The following THADA variants were observed in gnomAD, a reference collection of about 807,000 sequenced individuals.
THADA encodes the protein tRNA (32-2'-O)-methyltransferase regulator THADA.
THADA carries 213 observed loss-of-function variants against 219.8 expected under a neutral mutation model. That is an observed-to-expected ratio of 0.97 (90% CI 0.87 to 1.09). The LOEUF is 1.09. THADA is among the 50% of genes least tolerant of loss of function. The pLI, the probability that THADA is intolerant of heterozygous loss-of-function variation, is 0.00. For missense variants in THADA, 2,956 were observed against 2,311.3 expected (o/e 1.28, Z -5.72); for synonymous variants, 1,018 against 828.9 (o/e 1.23, Z -3.92).
Position 43,577,018 on chromosome 2 carries a change from T to C in THADA, c.1037+4A>G, listed in dbSNP as rs925582580. On this transcript the variant is annotated splice_donor_region_variant and intron_variant, in intron 10 of 37. Coordinates refer to ENST00000405975, the MANE Select transcript of THADA (RefSeq NM_022065.5). Reference sequence around the variant, plus strand: ...AAATATGAGACGATAGCATCAAAACTCACTGTGAACTCAAGGTGAACAAAA... The same window carrying C: ...AAATATGAGACGATAGCATCAAAACCCACTGTGAACTCAAGGTGAACAAAA... The C allele has an allele frequency of 4.3e-6, 7 of 1,610,494 alleles. No homozygotes were observed. Among genetic ancestry groups the C allele is most frequent in the African/African-American group, 1.3e-5 (1 of 74,878 alleles).
At chr2:43,552,743 G>A (rs1298338759) in intron 17 of THADA, among the ~76,000 whole-genome samples, 3 of 151,768 alleles carry the variant, frequency 2.0e-5, no homozygotes, top group Non-Finnish European at 2.9e-5. Context: ...GTTTTTATTA[G>A]TCACATATGT....
Position 43,560,217 on chromosome 2 carries a change from T to A in THADA, c.2463+17A>T. On this transcript the variant is annotated intron_variant, in intron 16 of 37. Coordinates refer to ENST00000405975, the MANE Select transcript of THADA (RefSeq NM_022065.5). ...TTCCATGCATATACCACATTTATAC[T>A]AGAAAAGTCCTGATACCTGAAAATG... The A allele has an allele frequency of 6.2e-7, 1 of 1,603,776 alleles. No homozygotes were observed. The highest frequency in any genetic ancestry group is 1.3e-5 in the African/African-American group (1 of 74,520).
chr2:43,373,178 G>A (rs1324481929), intron 29 of THADA, among the ~76,000 whole-genome samples: 1 of 152,142 alleles, frequency 6.6e-6, no homozygotes, highest in South Asian at 2.1e-4. Context: ...GGTGTTTAAG[G>A]TTAAATGTTA....
intron 15 of THADA, chr2:43,562,970 G>A (rs868841134): frequency 1.3e-5 from 2 of 151,956 alleles, no homozygotes; most frequent in Non-Finnish European, 1.5e-5. Context: ...TTTTATCTTA[G>A]TCAGTTTAGC....
chr2:43,261,636 ATT>A (rs35414545), intron 36 of THADA, among the ~76,000 whole-genome samples: 28 of 116,120 alleles, frequency 2.4e-4, no homozygotes, highest in African/African-American at 3.3e-4. Context: ...TATTGTTTTG[ATT>A]TTTTTTTTTT....
chr2:43,442,425 G>C (rs541368263), intron 26 of THADA, among the ~76,000 whole-genome samples: 2 of 152,174 alleles, frequency 1.3e-5, no homozygotes, highest in East Asian at 3.9e-4. Flanking sequence ...GAGCGACAGA[G>C]GGAGACTCGG....
At chr2:43,255,193 C>T (rs17334044) in intron 36 of THADA, among the ~76,000 whole-genome samples, 6,954 of 152,246 alleles carry the variant, frequency 0.046, 221 homozygotes, top group Middle Eastern at 0.1. Context: ...CCACATTCTT[C>T]TCTGAAAACA....
In THADA at chr2:43,231,012, C is replaced by T. The variant is rs778234484; in HGVS notation, c.5798G>A (p.Ser1933Asn). 13 of 1,613,828 alleles carry T rather than the reference C, an allele frequency of 8.1e-6. No individual in the cohort carries two copies. The highest frequency in any genetic ancestry group is 1.1e-5 in the Non-Finnish European group (13 of 1,179,864). Reference protein sequence around the residue: ...GKEGEDTLVLSVWDSYAESRQ... With the variant: ...GKEGEDTLVLNVWDSYAESRQ... ...CGATTCTGCATAAGAGTCCCAAACA[C>T]TGAGAACTAGGGTGTCTTCCCCTTC... Residue 1933 changes from serine (S) to asparagine (N), a missense_variant, in exon 38 of 38, where the codon AGT becomes AAT. By Grantham distance (46) the Ser-to-Asn change is conservative. Coordinates refer to ENST00000405975, the MANE Select transcript of THADA (RefSeq NM_022065.5).
At chr2:43,315,380 C>CCT (rs1483144590) in intron 31 of THADA, among the ~76,000 whole-genome samples, 1 of 152,210 alleles carries the variant, frequency 6.6e-6, no homozygotes, top group Non-Finnish European at 1.5e-5. Context: ...CCACTCCCTA[C>CCT]CTCCCAAACC....
intron 36 of THADA, among the ~76,000 whole-genome samples, chr2:43,246,523 A>AAAC (rs1558461399): frequency 1.4e-3 from 213 of 150,886 alleles, no homozygotes; most frequent in African/African-American, 5.0e-3. Flanking sequence ...AACAAACAAA[A>AAAC]AAAAACAGAA....
At chr2:43,501,031 C>A (rs1171914279) in intron 24 of THADA, among the ~76,000 whole-genome samples, 1 of 151,292 alleles carries the variant, frequency 6.6e-6, no homozygotes, top group Admixed American at 6.6e-5. Context: ...ATGGGCCAGG[C>A]ATGGTGGCTC....
intron 26 of THADA, among the ~76,000 whole-genome samples, chr2:43,446,043 G>A (rs774731868): frequency 2.6e-5 from 4 of 152,176 alleles, no homozygotes; most frequent in African/African-American, 9.7e-5. Flanking sequence ...TTTACACAGT[G>A]AGTTGGTGAG....
intron 22 of THADA, among the ~76,000 whole-genome samples, chr2:43,523,317 A>G (rs1238506373): frequency 6.6e-6 from 1 of 152,212 alleles, no homozygotes; most frequent in Non-Finnish European, 1.5e-5. Flanking sequence ...CAATGAGCCA[A>G]GATCATGCCA....
intron 31 of THADA, among the ~76,000 whole-genome samples, chr2:43,316,840 T>G (rs1678138895): frequency 6.6e-6 from 1 of 152,034 alleles, no homozygotes; most frequent in South Asian, 2.1e-4. Context: ...GGCAGAAGAG[T>G]TGCTTGAACC....
chr2:43,549,125 T>C, intron 20 of THADA, 85 bp downstream of exon 20: 1 of 1,212,280 alleles, frequency 8.2e-7, no homozygotes, highest in Non-Finnish European at 1.1e-6. Context: ...ATTTGCAACC[T>C]CTAATTTACC....
At chr2:43,282,058 C>T (rs1673427102) in intron 35 of THADA, among the ~76,000 whole-genome samples, 1 of 152,236 alleles carries the variant, frequency 6.6e-6, no homozygotes, top group Admixed American at 6.5e-5. Context: ...GCATGAGTCA[C>T]TGCACCTATT....
At chr2:43,320,260 A>G (rs1350800062) in intron 31 of THADA, among the ~76,000 whole-genome samples, 186 bp downstream of exon 31, 2 of 152,250 alleles carry the variant, frequency 1.3e-5, no homozygotes, top group African/African-American at 2.4e-5. Flanking sequence ...AAACTTCCAA[A>G]TAAACAAGAA....
chr2:43,441,259 A>G (rs1363215822), intron 26 of THADA, among the ~76,000 whole-genome samples: 3 of 152,208 alleles, frequency 2.0e-5, no homozygotes, highest in Non-Finnish European at 4.4e-5. Context: ...TCCTCAACAC[A>G]GAAATGTCAA....
intron 31 of THADA, 61 bp from the exon 32 acceptor site, chr2:43,293,274 A>G (rs1461584135): frequency 1.2e-5 from 18 of 1,527,394 alleles, no homozygotes; most frequent in Admixed American, 6.0e-5. Flanking sequence ...ACAAAAGGAC[A>G]TGAAAGAATG....
Sources: allele counts gnomAD v4.1 joint callset (sites outside exome capture counted in the v4.1 genomes callset), GRCh38; gene constraint gnomAD v4.1.1; transcripts MANE v1.5; gene names NCBI Gene and HGNC (gene_info 2026-07-23, HGNC 2026-07-21).